The following RAD54B variants were observed in gnomAD, a reference collection of about 807,000 sequenced individuals.
The protein encoded by RAD54B is DNA repair and recombination protein RAD54B.
Under a neutral mutation model 95.8 loss-of-function variants are expected in RAD54B, and 78 were observed. That is an observed-to-expected ratio of 0.81 (90% confidence interval 0.68 to 0.98). The LOEUF (loss-of-function observed/expected upper bound fraction) is 0.98, where lower values mean the gene tolerates loss of function less well. Ranked by LOEUF, RAD54B falls within the 50% of genes least tolerant of loss-of-function variation. RAD54B has a pLI of 0.00. For missense variants in RAD54B, 957 were observed against 1,056.6 expected, an observed-to-expected ratio of 0.91 and a Z score of 1.31; for synonymous variants, 328 against 354.9, an observed-to-expected ratio of 0.92 and a Z score of 0.85.
At chr8:94,427,709 A>T (rs2130089120) in intron 3 of RAD54B, 1 of 983,488 alleles carries the variant, frequency 1.0e-6, no homozygotes, top group South Asian at 4.7e-5. Context: ...AAAAGTACAC[A>T]AATCAGTACA....
intron 3 of RAD54B, chr8:94,427,936 A>C: frequency 1.1e-6 from 1 of 919,946 alleles, no homozygotes; most frequent in Non-Finnish European, 1.3e-6. Flanking sequence ...CTCCTTAAAA[A>C]AAAAAATGAA....
At chr8:94,399,700 GT>G in intron 7 of RAD54B, 79 bp from the exon 8 acceptor site, 2 of 1,458,450 alleles carry the variant, frequency 1.4e-6, no homozygotes, top group South Asian at 2.9e-5. Flanking sequence ...ATTCCTGACA[GT>G]CACTTACTAA....
At chr8:94,389,720 T>C (rs1810970225) in intron 10 of RAD54B, among the ~76,000 whole-genome samples, 1 of 152,246 alleles carries the variant, frequency 6.6e-6, no homozygotes, top group South Asian at 2.1e-4. Context: ...TATTTATACA[T>C]GTAGAAGGCT....
chr8:94,410,184 T>C (rs1193752000), intron 4 of RAD54B, among the ~76,000 whole-genome samples: 1 of 152,156 alleles, frequency 6.6e-6, no homozygotes, highest in Non-Finnish European at 1.5e-5. Context: ...CCTCCAAAAC[T>C]ATTCATCCTT....
Position 94,407,042 on chromosome 8 carries a change from G to T in RAD54B, c.781+397C>A, listed in dbSNP as rs140161593. ...CCATTCAATATTTTTACACACTAAT[G>T]CTTGTGATCAAGGCATACAGTCCTC... is the stretch of plus-strand genomic sequence containing the variant. On this transcript the variant is annotated intron_variant, in intron 5 of 14. Transcript: ENST00000336148. 2.6e-5 allele frequency among the ~76,000 whole-genome samples: 4 copies of T among 152,136 alleles called. No homozygotes were observed. In the East Asian group the frequency reaches 7.7e-4, roughly 29 times the overall value.
At chr8:94,398,231 A>G (rs1219696544) in intron 8 of RAD54B, among the ~76,000 whole-genome samples, 2 of 152,144 alleles carry the variant, frequency 1.3e-5, no homozygotes, top group Non-Finnish European at 2.9e-5. Context: ...CAAAAAATAA[A>G]AAGGTCATTT....
intron 3 of RAD54B, among the ~76,000 whole-genome samples, chr8:94,447,982 G>A (rs568175691): frequency 1.2e-4 from 18 of 152,194 alleles, no homozygotes; most frequent in South Asian, 2.1e-4. Flanking sequence ...TATTTTTATC[G>A]ATACTTGAAC....
rs772356631 is a variant in RAD54B, at chr8:94,404,198, C to T, written c.823G>A (p.Val275Ile). Reference sequence around the variant, plus strand: ...AGAGGGAAACAGTTCTTATTGAATACCCACTGGTGATTCTTATCTGGTCGT... The same window carrying T: ...AGAGGGAAACAGTTCTTATTGAATATCCACTGGTGATTCTTATCTGGTCGT... ...MPRPDKNHQW[V>I]FNKNCFPLVD... The change falls in exon 6 of 15, where the codon GTA becomes ATA. Residue 275 changes from valine (V) to isoleucine (I), a missense_variant. Coordinates refer to ENST00000336148, the MANE Select transcript of RAD54B (RefSeq NM_012415.3). 42 of 1,609,618 alleles carry T rather than the reference C, an allele frequency of 2.6e-5. No individual in the cohort carries two copies. Among genetic ancestry groups the T allele is most frequent in the Non-Finnish European group, 3.3e-5 (39 of 1,177,960 alleles).
chr8:94,427,023 G>A (rs1326262911), intron 3 of RAD54B, among the ~76,000 whole-genome samples: 2 of 152,104 alleles, frequency 1.3e-5, no homozygotes. Context: ...ATTAATTGCA[G>A]AATCTATGTG....
At chr8:94,429,897 GT>G in intron 3 of RAD54B, 1 of 985,248 alleles carries the variant, frequency 1.0e-6, no homozygotes, top group Non-Finnish European at 1.2e-6. Context: ...TCTGATTTAA[GT>G]TCTTCCAATA....
rs1444835062 is a variant in RAD54B, at chr8:94,378,595, C to T, written c.2287G>A (p.Val763Ile). 1.2e-6 allele frequency: 2 copies of T among 1,609,232 alleles called. No homozygotes were observed. The highest frequency in any genetic ancestry group is 1.7e-6 in the Non-Finnish European group (2 of 1,177,280). ...RVWRDGQKYP[V>I]HIYRLLTTGT... ...GTAGTTAGGAGTCTGTAAATATGTA[C>T]AGGATATTTCTGACCATCTCTCCAT... is the stretch of plus-strand genomic sequence containing the variant. The change falls in exon 13 of 15, where the codon GTA (valine) becomes ATA (isoleucine). Residue 763 changes from valine (V) to isoleucine (I), a missense_variant. Val to Ile is a conservative substitution (Grantham distance 29). Transcript: ENST00000336148.
chr8:94,465,760 C>G (rs1813010884), intron 2 of RAD54B, among the ~76,000 whole-genome samples: 1 of 152,180 alleles, frequency 6.6e-6, no homozygotes, highest in Non-Finnish European at 1.5e-5. Context: ...ACTGCCCAAG[C>G]ATGCATCAAA....
intron 6 of RAD54B, among the ~76,000 whole-genome samples, chr8:94,403,840 A>C (rs370396500): frequency 1.9e-4 from 29 of 151,460 alleles, no homozygotes; most frequent in African/African-American, 7.0e-4. Flanking sequence ...AAAAGTAAGG[A>C]CCGTGGTCCT....
chr8:94,426,010 T>C (rs989084740), intron 3 of RAD54B, among the ~76,000 whole-genome samples: 1 of 152,166 alleles, frequency 6.6e-6, no homozygotes, highest in Non-Finnish European at 1.5e-5. Flanking sequence ...TGGAGTACAG[T>C]GGCGTCATCA....
In RAD54B at chr8:94,382,435, G is replaced by A. The variant is rs538033813; in HGVS notation, c.1986-2029C>T. Among the ~76,000 whole-genome samples, 14 of 152,278 alleles carry A rather than the reference G, an allele frequency of 9.2e-5. No individual in the cohort carries two copies. In the East Asian group the frequency reaches 2.5e-3, roughly 27 times the overall value. On this transcript the variant is annotated intron_variant, in intron 11 of 14. Transcript: ENST00000336148. The stretch of plus-strand genomic sequence containing the variant: ...GATCTAGAAGTTTATGACAAGGGAA[G>A]TTGTCAGTCAAGTGCTAGTGTAGAA...
At chr8:94,445,734 T>C (rs959082807) in intron 3 of RAD54B, among the ~76,000 whole-genome samples, 1 of 152,098 alleles carries the variant, frequency 6.6e-6, no homozygotes, top group African/African-American at 2.4e-5. Flanking sequence ...CCTCACTATG[T>C]TGCCCAGGCT....
chr8:94,413,412 T>C (rs768892446), intron 3 of RAD54B, among the ~76,000 whole-genome samples: 7 of 152,134 alleles, frequency 4.6e-5, no homozygotes, highest in African/African-American at 7.2e-5. Context: ...TACGGCGAAA[T>C]TATTTTCAAC....
intron 11 of RAD54B, among the ~76,000 whole-genome samples, chr8:94,385,185 C>T (rs1810843609): frequency 6.6e-6 from 1 of 152,030 alleles, no homozygotes; most frequent in Middle Eastern, 3.2e-3. Context: ...TTCTTCATTC[C>T]TTTCTTCCTT....
intron 3 of RAD54B, among the ~76,000 whole-genome samples, chr8:94,448,694 T>A (rs1385468376): frequency 5.8e-5 from 8 of 138,326 alleles, no homozygotes; most frequent in East Asian, 4.1e-4. Context: ...AATGTTACTT[T>A]AAAAAAAAAA....
Sources: gnomAD v4.1 joint callset for allele counts (sites outside exome capture counted in the v4.1 genomes callset) on GRCh38, gnomAD v4.1.1 for gene constraint, MANE v1.5 for transcripts, NCBI Gene and HGNC (gene_info 2026-07-23, HGNC 2026-07-21) for gene names.